MAD1L1: variants seen among roughly 807,000 people sequenced by gnomAD.
The protein encoded by MAD1L1 is mitotic arrest deficient 1 like 1, also known as mitotic spindle assembly checkpoint protein MAD1.
Under a neutral mutation model 96.9 loss-of-function variants are expected in MAD1L1, and 95 were observed. The observed-to-expected ratio is 0.98, with a 90% CI of 0.83 to 1.16. MAD1L1 has a LOEUF of 1.16. MAD1L1 is among the 50% of genes most tolerant of loss of function. The pLI is 0.00. For synonymous variants in MAD1L1, 473 were observed against 396.6 expected, an observed-to-expected ratio of 1.19 and a Z score of -2.29; for missense variants, 1,007 against 954.4, an observed-to-expected ratio of 1.06 and a Z score of -0.73.
At chr7:2,191,507 G>T (rs1791715431) in intron 10 of MAD1L1, among the ~76,000 whole-genome samples, 1 of 152,164 alleles carries the variant, frequency 6.6e-6, no homozygotes, top group Non-Finnish European at 1.5e-5. Context: ...GAGGCAGGCG[G>T]ATCACTTGAG....
At chr7:1,827,458 GAGCCCGTCGCGGGTGTGGGGGCCTCCC>G (rs1782460909) in intron 18 of MAD1L1, among the ~76,000 whole-genome samples, 1 of 94,908 alleles carries the variant, frequency 1.1e-5, no homozygotes, top group Non-Finnish European at 2.5e-5. Context: ...CTCCCCTCCT[GAGCCCGTCGCGGGTGTGGGGGCCTCCC>G]CTCCTGAGCC....
chr7:2,052,644 G>A (rs1784233406), intron 12 of MAD1L1, among the ~76,000 whole-genome samples: 1 of 152,214 alleles, frequency 6.6e-6, no homozygotes, highest in Non-Finnish European at 1.5e-5. Context: ...TTGGCCGCAG[G>A]TCATACCTAT....
intron 16 of MAD1L1, among the ~76,000 whole-genome samples, chr7:1,937,642 G>C (rs1038606831): frequency 3.3e-5 from 5 of 150,836 alleles, no homozygotes; most frequent in Non-Finnish European, 7.4e-5. Context: ...GGGAGGTGCA[G>C]GGTCACTGCG....
chr7:1,822,279 AAGTT>A (rs1165403494), intron 18 of MAD1L1, among the ~76,000 whole-genome samples: 1 of 152,078 alleles, frequency 6.6e-6, no homozygotes, highest in Admixed American at 6.6e-5. Context: ...TGTTTGCAGA[AAGTT>A]AGGAAATACT....
At chr7:2,117,734 T>G (rs994028670) in intron 11 of MAD1L1, among the ~76,000 whole-genome samples, 2 of 152,116 alleles carry the variant, frequency 1.3e-5, no homozygotes, top group Non-Finnish European at 2.9e-5. Flanking sequence ...CCTTTTTCCT[T>G]TATAAATCAC....
intron 18 of MAD1L1, among the ~76,000 whole-genome samples, chr7:1,828,320 C>G (rs1782533760): frequency 6.6e-6 from 1 of 151,986 alleles, no homozygotes; most frequent in African/African-American, 2.4e-5. Flanking sequence ...CTCGCGGGAC[C>G]CGAGTTGAGG....
At chr7:1,914,704 C>G (rs1788260747) in intron 17 of MAD1L1, among the ~76,000 whole-genome samples, 1 of 152,210 alleles carries the variant, frequency 6.6e-6, no homozygotes. Context: ...GCCTTGACCT[C>G]CCAGGCCCAA....
At chr7:1,898,919 T>G (rs1010151705) in intron 17 of MAD1L1, among the ~76,000 whole-genome samples, 1 of 152,206 alleles carries the variant, frequency 6.6e-6, no homozygotes, top group Non-Finnish European at 1.5e-5. Context: ...GGTTGCCGCC[T>G]GGGTCCTTTC....
intron 18 of MAD1L1, among the ~76,000 whole-genome samples, chr7:1,860,941 G>A (rs769364853): frequency 2.6e-5 from 4 of 152,198 alleles, no homozygotes; most frequent in African/African-American, 9.7e-5. Flanking sequence ...ACCCAGTTCT[G>A]GGTCTTGCCT....
intron 10 of MAD1L1, among the ~76,000 whole-genome samples, chr7:2,159,942 G>T (rs1330725798): frequency 6.6e-6 from 1 of 152,172 alleles, no homozygotes; most frequent in Non-Finnish European, 1.5e-5. Flanking sequence ...CACAAAAGAA[G>T]TCTGGCCAGG....
chr7:1,858,479 G>A (rs940271485), intron 18 of MAD1L1, among the ~76,000 whole-genome samples: 12 of 152,246 alleles, frequency 7.9e-5, no homozygotes, highest in Admixed American at 3.9e-4. Context: ...CGTCCACGGC[G>A]TCTCCGGCTC....
rs543409537 is a variant in MAD1L1, at chr7:2,167,406, G to A, written c.987-18168C>T. Among the ~76,000 whole-genome samples, 57 of 152,182 alleles carry A rather than the reference G, an allele frequency of 3.7e-4. No individual in the cohort carries two copies. In the South Asian group the frequency reaches 0.01, roughly 28 times the overall value. ...ACTAAAAATACAAAAAAAATTAGCCGGGCATGGTGGCGGGCGCCTGTAGTC... is the reference window on the plus strand; with the variant it reads ...ACTAAAAATACAAAAAAAATTAGCCAGGCATGGTGGCGGGCGCCTGTAGTC... On this transcript the variant is annotated intron_variant, in intron 10 of 18. Transcript: ENST00000265854.
intron 11 of MAD1L1, among the ~76,000 whole-genome samples, chr7:2,144,305 T>C (rs1354629518): frequency 6.6e-6 from 1 of 152,236 alleles, no homozygotes; most frequent in East Asian, 1.9e-4. Context: ...AAACACTGAC[T>C]GCTCTCAGCG....
intron 18 of MAD1L1, among the ~76,000 whole-genome samples, chr7:1,869,335 G>A (rs1043678489): frequency 2.6e-5 from 4 of 152,072 alleles, no homozygotes; most frequent in Non-Finnish European, 4.4e-5. Context: ...CTACCTCGGC[G>A]CAGGCTCTTA....
chr7:2,075,216 C>T (rs560649550), intron 11 of MAD1L1, among the ~76,000 whole-genome samples: 4 of 152,300 alleles, frequency 2.6e-5, no homozygotes, highest in East Asian at 1.9e-4. Flanking sequence ...ACAAAGTGGA[C>T]GGCCCCAGAG....
chr7:1,970,262 G>T (rs1780344549), intron 15 of MAD1L1, among the ~76,000 whole-genome samples: 1 of 151,754 alleles, frequency 6.6e-6, no homozygotes, highest in Non-Finnish European at 1.5e-5. Context: ...TGATTACAGG[G>T]TGATTAGAGT....
At chr7:1,902,183 TG>T (rs940109743) in intron 17 of MAD1L1, among the ~76,000 whole-genome samples, 2 of 152,152 alleles carry the variant, frequency 1.3e-5, no homozygotes, top group African/African-American at 4.8e-5. Flanking sequence ...TGCCTCCTCC[TG>T]GAATCACAGG....
chr7:1,959,238 G>A (rs1779853217), intron 15 of MAD1L1, among the ~76,000 whole-genome samples: 1 of 152,118 alleles, frequency 6.6e-6, no homozygotes, highest in African/African-American at 2.4e-5. Flanking sequence ...GACAGAGCGA[G>A]GCCCTGTCTC....
At chr7:2,096,255 C>G (rs1786484298) in intron 11 of MAD1L1, among the ~76,000 whole-genome samples, 1 of 152,336 alleles carries the variant, frequency 6.6e-6, no homozygotes, top group African/African-American at 2.4e-5. Context: ...CAAGGGCTCC[C>G]AGGAGGAAAG....
Sources: allele counts gnomAD v4.1 joint callset (sites outside exome capture counted in the v4.1 genomes callset), GRCh38; gene constraint gnomAD v4.1.1; transcripts MANE v1.5; gene names NCBI Gene and HGNC (gene_info 2026-07-23, HGNC 2026-07-21).